Variants in TBC1D19 observed in about 807,000 individuals in gnomAD.
TBC1D19 encodes the protein TBC1 domain family member 19.
TBC1D19 carries 60 observed loss-of-function variants against 89.0 expected under a neutral mutation model. That is an observed-to-expected ratio of 0.67 (90% CI 0.55 to 0.84). TBC1D19 has a LOEUF of 0.84. Ranked by LOEUF, TBC1D19 falls within the 40% of genes least tolerant of loss-of-function variation. The pLI is 0.00. For missense variants in TBC1D19, 500 were observed against 610.8 expected (o/e 0.82, Z 1.91); for synonymous variants, 189 against 199.7 (o/e 0.95, Z 0.45).
chr4:26,782,785 G>A, the TBC1D19 span, among the ~76,000 whole-genome samples: 1 of 149,920 alleles, frequency 6.7e-6, no homozygotes, highest in Admixed American at 6.7e-5. Context: ...AGAAAACAGA[G>A]CATACTATAT....
At chr4:26,793,476 G>C in the TBC1D19 span, among the ~76,000 whole-genome samples, 2 of 152,110 alleles carry the variant, frequency 1.3e-5, no homozygotes, top group East Asian at 3.9e-4. Context: ...TGTAATCTCA[G>C]CACTTTGGAA....
intron 3 of TBC1D19, among the ~76,000 whole-genome samples, chr4:26,616,615 A>G (rs952463564): frequency 2.0e-5 from 3 of 152,232 alleles, no homozygotes; most frequent in Admixed American, 2.0e-4. Context: ...TATGCCTAAT[A>G]GAGGTATAGA....
intron 9 of TBC1D19, among the ~76,000 whole-genome samples, chr4:26,669,366 G>C (rs920283980): frequency 2.6e-5 from 4 of 151,696 alleles, no homozygotes; most frequent in African/African-American, 9.7e-5. Flanking sequence ...AAGACTATGA[G>C]AAGTCTTAAC....
chr4:26,579,080 C>A (rs1019737476), intron 1 of TBC1D19, among the ~76,000 whole-genome samples: 2 of 152,184 alleles, frequency 1.3e-5, no homozygotes, highest in Non-Finnish European at 2.9e-5. Context: ...GCAAATGCCA[C>A]CTAGATAAGT....
chr4:26,789,568 G>A, the TBC1D19 span, among the ~76,000 whole-genome samples: 80 of 152,292 alleles, frequency 5.3e-4, no homozygotes, highest in Admixed American at 1.8e-3. Flanking sequence ...ATGTTGGTGA[G>A]GATGCAGAGA....
chr4:26,658,840 G>A (rs260934), intron 7 of TBC1D19, among the ~76,000 whole-genome samples: 55,338 of 151,890 alleles, frequency 0.36, 11,378 homozygotes, highest in Non-Finnish European at 0.47. Context: ...TTATTCCTTC[G>A]TGGCAATTGT....
intron 7 of TBC1D19, among the ~76,000 whole-genome samples, chr4:26,654,164 T>C (rs1042025103): frequency 1.3e-5 from 2 of 152,230 alleles, no homozygotes; most frequent in African/African-American, 4.8e-5. Flanking sequence ...AAATTCTGGG[T>C]TGAAAATTCT....
chr4:26,785,690 G>A, the TBC1D19 span, among the ~76,000 whole-genome samples: 1 of 152,140 alleles, frequency 6.6e-6, no homozygotes, highest in East Asian at 1.9e-4. Flanking sequence ...ACACACAGAC[G>A]TACACTGTGT....
chr4:26,731,624 A>C (rs1475464257), intron 15 of TBC1D19, among the ~76,000 whole-genome samples: 1 of 152,166 alleles, frequency 6.6e-6, no homozygotes, highest in Non-Finnish European at 1.5e-5. Context: ...CGAAAGAGAA[A>C]ACAAGTATAC....
chr4:26,802,416 C>T, the TBC1D19 span, among the ~76,000 whole-genome samples: 1 of 152,132 alleles, frequency 6.6e-6, no homozygotes, highest in Non-Finnish European at 1.5e-5. Flanking sequence ...GCCTGGGCAA[C>T]ATGGTGAAAC....
intron 13 of TBC1D19, among the ~76,000 whole-genome samples, chr4:26,702,851 T>C (rs1370987789): frequency 6.6e-6 from 1 of 152,182 alleles, no homozygotes; most frequent in Non-Finnish European, 1.5e-5. Context: ...ACCAATTGAA[T>C]AGCAGCTCCA....
At chr4:26,836,164 C>G in the TBC1D19 span, among the ~76,000 whole-genome samples, 1 of 152,156 alleles carries the variant, frequency 6.6e-6, no homozygotes, top group Non-Finnish European at 1.5e-5. Context: ...ACACTTCGAC[C>G]TCCCCTGTCT....
chr4:26,737,765 C>T (rs192746411), intron 16 of TBC1D19, among the ~76,000 whole-genome samples: 279 of 152,056 alleles, frequency 1.8e-3, no homozygotes, highest in African/African-American at 6.4e-3. Context: ...AGTACTTTGC[C>T]ATTTCAGTTT....
chr4:26,824,039 G>A, the TBC1D19 span, among the ~76,000 whole-genome samples: 2 of 152,126 alleles, frequency 1.3e-5, no homozygotes, highest in African/African-American at 4.8e-5. Context: ...ATCAGGGATG[G>A]GTGCATGATC....
chr4:26,765,924 G>GT, the TBC1D19 span, among the ~76,000 whole-genome samples: 2,741 of 152,100 alleles, frequency 0.018, 57 homozygotes, highest in East Asian at 0.066. Context: ...TCACTGCAAG[G>GT]TTTTTTTGAA....
chr4:26,818,189 C>T, the TBC1D19 span, among the ~76,000 whole-genome samples: 4 of 151,752 alleles, frequency 2.6e-5, no homozygotes, highest in East Asian at 3.9e-4. Context: ...CATCTTCAAA[C>T]GGTGTTGGAA....
downstream of TBC1D19, among the ~76,000 whole-genome samples, chr4:26,759,646 A>G (rs1006323826): frequency 1.8e-4 from 28 of 152,104 alleles, no homozygotes; most frequent in Non-Finnish European, 7.4e-5. Context: ...CATTCACTCC[A>G]ACCACTCATC....
intron 15 of TBC1D19, among the ~76,000 whole-genome samples, chr4:26,731,661 T>G (rs541345443): frequency 9.9e-5 from 15 of 151,230 alleles, no homozygotes; most frequent in Non-Finnish European, 2.1e-4. Flanking sequence ...ATTGAAGGAG[T>G]GCGCAGAAGA....
At chr4:26,678,420 C>A (rs1025209189) in intron 11 of TBC1D19, among the ~76,000 whole-genome samples, 1 of 151,924 alleles carries the variant, frequency 6.6e-6, no homozygotes, top group Non-Finnish European at 1.5e-5. Flanking sequence ...TTTGAGGGCT[C>A]CAAATTTAAA....
Sources: allele counts gnomAD v4.1 joint callset (sites outside exome capture counted in the v4.1 genomes callset), GRCh38; gene constraint gnomAD v4.1.1; transcripts MANE v1.5; gene names NCBI Gene and HGNC (gene_info 2026-07-23, HGNC 2026-07-21).